Variants in AUTS2 observed in about 807,000 individuals in gnomAD.
AUTS2 encodes the protein autism susceptibility gene 2 protein.
Under a neutral mutation model 112.4 loss-of-function variants are expected in AUTS2, and 17 were observed. That is an observed-to-expected ratio of 0.15 (90% confidence interval 0.10 to 0.23). The LOEUF (loss-of-function observed/expected upper bound fraction) is 0.23. AUTS2 is among the 10% of genes least tolerant of loss of function. The pLI is 1.00. For synonymous variants in AUTS2, 751 were observed against 702.7 expected, an observed-to-expected ratio of 1.07 and a Z score of -1.09; for missense variants, 1,510 against 1,701.6, an observed-to-expected ratio of 0.89 and a Z score of 1.98.
At chr7:69,731,451 G>A (rs972060808) in intron 1 of AUTS2, among the ~76,000 whole-genome samples, 6 of 152,164 alleles carry the variant, frequency 3.9e-5, no homozygotes, top group Admixed American at 2.6e-4. Context: ...TTGATGAGTG[G>A]TTTAATTAAG....
At chr7:69,882,624 C>T (rs1355639607) in intron 1 of AUTS2, among the ~76,000 whole-genome samples, 1 of 152,088 alleles carries the variant, frequency 6.6e-6, no homozygotes, top group Non-Finnish European at 1.5e-5. Context: ...GGACTGAACT[C>T]CTAATACATC....
chr7:69,926,445 G>GTCTGTCTGTCTATCTA (rs796507485), intron 2 of AUTS2, among the ~76,000 whole-genome samples: 35 of 123,198 alleles, frequency 2.8e-4, no homozygotes, highest in African/African-American at 1.1e-3. Context: ...CTGTCTGTCT[G>GTCTGTCTGTCTATCTA]TCTATCTATC....
intron 4 of AUTS2, among the ~76,000 whole-genome samples, chr7:70,353,528 G>A (rs563663042): frequency 6.6e-6 from 1 of 152,258 alleles, no homozygotes; most frequent in East Asian, 1.9e-4. Context: ...CATATGCCAA[G>A]TATCCTACAT....
At chr7:70,725,311 A>G (rs756292378) in intron 6 of AUTS2, among the ~76,000 whole-genome samples, 1 of 152,206 alleles carries the variant, frequency 6.6e-6, no homozygotes, top group Non-Finnish European at 1.5e-5. Flanking sequence ...TTGAAATGTC[A>G]TCAACTTGGA....
intron 1 of AUTS2, among the ~76,000 whole-genome samples, chr7:69,656,009 G>C (rs78226850): frequency 0.034 from 5,208 of 152,320 alleles, 127 homozygotes; most frequent in Middle Eastern, 0.082. Flanking sequence ...GCTCATCGTT[G>C]TCAAGAATTG....
chr7:70,412,322 T>G (rs1794813354), intron 4 of AUTS2, among the ~76,000 whole-genome samples: 1 of 151,872 alleles, frequency 6.6e-6, no homozygotes, highest in African/African-American at 2.4e-5. Context: ...CTTATGTTCT[T>G]ATTTTTAGCT....
At chr7:70,053,544 G>GTTTGTTTTTTTTTTTTTTTTTTTTTT (rs1801849869) in intron 2 of AUTS2, among the ~76,000 whole-genome samples, 2 of 127,846 alleles carry the variant, frequency 1.6e-5, no homozygotes, top group African/African-American at 6.2e-5. Flanking sequence ...GTTTTGGGTG[G>GTTTGTTTTTTTTTTTTTTTTTTTTTT]TTTTTTTTTT....
At chr7:69,642,418 A>G (rs1044134368) in intron 1 of AUTS2, among the ~76,000 whole-genome samples, 17 of 152,188 alleles carry the variant, frequency 1.1e-4, no homozygotes, top group South Asian at 4.1e-4. Flanking sequence ...TTAACCGAAA[A>G]TGGAATATTT....
chr7:69,657,651 T>A (rs1331893889), intron 1 of AUTS2, among the ~76,000 whole-genome samples: 1 of 152,108 alleles, frequency 6.6e-6, no homozygotes, highest in African/African-American at 2.4e-5. Flanking sequence ...ATTTTTTTTT[T>A]AAAGTCAAAC....
At chr7:69,742,614 A>G (rs1253744944) in intron 1 of AUTS2, among the ~76,000 whole-genome samples, 1 of 152,190 alleles carries the variant, frequency 6.6e-6, no homozygotes, top group Non-Finnish European at 1.5e-5. Context: ...CATCAAAACT[A>G]ACTTTGAAGA....
intron 4 of AUTS2, among the ~76,000 whole-genome samples, chr7:70,193,558 G>C (rs1346115804): frequency 6.6e-6 from 1 of 152,192 alleles, no homozygotes; most frequent in Admixed American, 6.5e-5. Context: ...CAATGTGGCA[G>C]ATGTTTAAGG....
intron 5 of AUTS2, among the ~76,000 whole-genome samples, chr7:70,575,193 T>G (rs532524027): frequency 6.6e-6 from 1 of 152,312 alleles, no homozygotes; most frequent in South Asian, 2.1e-4. Flanking sequence ...TCACTGCAGT[T>G]TTAATTAAAT....
chr7:69,894,252 G>GTTTT lies in AUTS2; in HGVS notation c.310-5011_310-5008dup, dbSNP rs370966756. Among the ~76,000 whole-genome samples, 333 of 36,700 alleles carry GTTTT rather than the reference G, an allele frequency of 9.1e-3. 37 individuals are homozygous for GTTTT. Among genetic ancestry groups the GTTTT allele is most frequent in the Non-Finnish European group, 0.011 (249 of 21,812 alleles). The allele number at this position is 36,700 out of a possible 152,430, so 24.1% of individuals were successfully genotyped here. Reference sequence around the variant, plus strand: ...GACTGTCAAATGAATGCCTTAAAGCGTTTTTTTTTTTTTTTTTTTTTTTTT... The same window carrying GTTTT: ...GACTGTCAAATGAATGCCTTAAAGCGTTTTTTTTTTTTTTTTTTTTTTTTTTTTT... On this transcript the variant is annotated intron_variant, in intron 1 of 18. Coordinates refer to ENST00000342771, the MANE Select transcript of AUTS2 (RefSeq NM_015570.4).
At chr7:69,756,995 A>G (rs1321959405) in intron 1 of AUTS2, among the ~76,000 whole-genome samples, 1 of 152,182 alleles carries the variant, frequency 6.6e-6, no homozygotes, top group Admixed American at 6.6e-5. Flanking sequence ...TTACTTTGCC[A>G]CAGCACTCTG....
intron 2 of AUTS2, among the ~76,000 whole-genome samples, chr7:70,003,611 G>A (rs12698834): frequency 1.7e-5 from 2 of 117,424 alleles, no homozygotes; most frequent in South Asian, 2.5e-4. Context: ...ATATATGAAT[G>A]TGTTATATAT....
At chr7:70,605,546 C>CTTTTTTTTTTTT in intron 5 of AUTS2, among the ~76,000 whole-genome samples, 63 of 70,658 alleles carry the variant, frequency 8.9e-4, no homozygotes, top group Non-Finnish European at 1.1e-3. Flanking sequence ...CCTTCTTTCT[C>CTTTTTTTTTTTT]TTTTTTTTTT....
chr7:70,370,614 T>A (rs992073178), intron 4 of AUTS2, among the ~76,000 whole-genome samples: 2 of 152,238 alleles, frequency 1.3e-5, no homozygotes, highest in African/African-American at 4.8e-5. Context: ...TGCTACTTTT[T>A]GGCTGTGATG....
chr7:70,785,351 G>T (rs1371518979), intron 16 of AUTS2: 3 of 554,044 alleles, frequency 5.4e-6, no homozygotes, highest in Non-Finnish European at 1.0e-5. Context: ...GAAGAAGATG[G>T]TGAGCTCTTG....
At chr7:70,304,273 A>T (rs2129614125) in intron 4 of AUTS2, among the ~76,000 whole-genome samples, 1 of 152,338 alleles carries the variant, frequency 6.6e-6, no homozygotes, top group South Asian at 2.1e-4. Flanking sequence ...ACCCAGAATT[A>T]TGAGTGAGGA....
Sources: gnomAD v4.1 joint callset for allele counts (sites outside exome capture counted in the v4.1 genomes callset) on GRCh38, gnomAD v4.1.1 for gene constraint, MANE v1.5 for transcripts, NCBI Gene and HGNC (gene_info 2026-07-23, HGNC 2026-07-21) for gene names.